Variants in TOM1L1 observed in about 807,000 individuals in gnomAD.
TOM1L1 encodes target of myb1 like 1 membrane trafficking protein, also known as TOM1-like protein 1.
TOM1L1 carries 64 observed loss-of-function variants against 63.4 expected under a neutral mutation model. The ratio of observed to expected loss-of-function variants is 1.01; its 90% CI spans 0.83 to 1.24. The LOEUF (loss-of-function observed/expected upper bound fraction) is 1.24. Among genes scored for constraint, TOM1L1 ranks in the 50% most tolerant of loss-of-function variants. The probability of loss-of-function intolerance (pLI) is 0.00; values close to 1 mark genes in which losing one functional copy is unlikely to be tolerated. For synonymous variants in TOM1L1, 166 were observed against 194.4 expected (o/e 0.85, Z 1.22); for missense variants, 536 against 567.0 (o/e 0.95, Z 0.55).
At chr17:54,934,070 A>G (rs913220718) in intron 8 of TOM1L1, among the ~76,000 whole-genome samples, 1 of 152,184 alleles carries the variant, frequency 6.6e-6, no homozygotes, top group Non-Finnish European at 1.5e-5. Context: ...GGCTCAGTGA[A>G]TCTGCACTTC....
At chr17:54,949,482 G>T in intron 12 of TOM1L1, 36 bp from the exon 13 acceptor site, 1 of 1,507,174 alleles carries the variant, frequency 6.6e-7, no homozygotes, top group South Asian at 1.1e-5. Flanking sequence ...GCTTAATGTA[G>T]AACGTTTATA....
intron 14 of TOM1L1, chr17:54,954,681 G>A (rs772783935): frequency 6.6e-6 from 1 of 152,214 alleles, no homozygotes; most frequent in Non-Finnish European, 1.5e-5. Flanking sequence ...GTAGTAAAGG[G>A]ACTCTTCTTA....
chr17:54,959,692 A>G (rs918918765), intron 14 of TOM1L1, among the ~76,000 whole-genome samples: 52 of 148,802 alleles, frequency 3.5e-4, no homozygotes, highest in African/African-American at 1.2e-3. Context: ...ATCTCAGCTC[A>G]CTGCAATCTC....
intron 14 of TOM1L1, among the ~76,000 whole-genome samples, chr17:54,950,348 G>T (rs773172776): frequency 6.6e-6 from 1 of 152,176 alleles, no homozygotes; most frequent in African/African-American, 2.4e-5. Flanking sequence ...TGCATGTTAA[G>T]AAATAACTGG....
chr17:54,910,479 G>T (rs1371346861), intron 3 of TOM1L1, among the ~76,000 whole-genome samples: 1 of 151,918 alleles, frequency 6.6e-6, no homozygotes, highest in Non-Finnish European at 1.5e-5. Context: ...AACAAAAATT[G>T]GTTTGCGAAT....
chr17:54,951,607 G>T (rs2049240662), intron 14 of TOM1L1, among the ~76,000 whole-genome samples: 1 of 152,230 alleles, frequency 6.6e-6, no homozygotes, highest in Non-Finnish European at 1.5e-5. Flanking sequence ...AGGGCTATGG[G>T]AGTTGTGAGC....
At chr17:54,955,094 G>A (rs2049428364) in intron 14 of TOM1L1, 1 of 152,164 alleles carries the variant, frequency 6.6e-6, no homozygotes, top group African/African-American at 2.4e-5. Context: ...CACAGTCTGA[G>A]GGGCTTCCAA....
chr17:54,933,932 G>A (rs1046901235), intron 8 of TOM1L1, among the ~76,000 whole-genome samples: 1 of 152,124 alleles, frequency 6.6e-6, no homozygotes, highest in Non-Finnish European at 1.5e-5. Context: ...CAGGGAAGGG[G>A]GCTTCCAGGT....
intron 12 of TOM1L1, 26 bp from the exon 13 acceptor site, chr17:54,949,492 A>G: frequency 6.4e-7 from 1 of 1,558,382 alleles, no homozygotes; most frequent in Non-Finnish European, 8.9e-7. Flanking sequence ...GAACGTTTAT[A>G]TGAACATGTG....
At chr17:54,913,688 A>G in intron 4 of TOM1L1, 60 bp from the exon 5 acceptor site, 4 of 1,460,564 alleles carry the variant, frequency 2.7e-6, no homozygotes, top group Non-Finnish European at 2.7e-6. Flanking sequence ...AAAAAAAAGA[A>G]TTGTGTTTTG....
chr17:54,901,106 G>A (rs1185718263), intron 1 of TOM1L1, 183 bp downstream of exon 1: 3 of 776,466 alleles, frequency 3.9e-6, no homozygotes, highest in African/African-American at 1.7e-5. Context: ...TTCCTTCTTG[G>A]CCAACTCACT....
intron 14 of TOM1L1, chr17:54,955,122 T>C (rs1167065938): frequency 6.6e-6 from 1 of 152,212 alleles, no homozygotes; most frequent in Non-Finnish European, 1.5e-5. Flanking sequence ...AGATTAATGA[T>C]GACACAAATC....
chr17:54,913,058 G>T (rs1379036845), intron 4 of TOM1L1, among the ~76,000 whole-genome samples: 1 of 152,190 alleles, frequency 6.6e-6, no homozygotes, highest in African/African-American at 2.4e-5. Flanking sequence ...AAATAGGAAA[G>T]ACAGTGATCT....
At chr17:54,929,072 G>A (rs920200899) in intron 7 of TOM1L1, among the ~76,000 whole-genome samples, 11 of 152,204 alleles carry the variant, frequency 7.2e-5, no homozygotes, top group African/African-American at 2.7e-4. Context: ...GTTTAAGGAA[G>A]TTCTGTTGCT....
chr17:54,903,786 A>T lies in TOM1L1; in HGVS notation c.137A>T (p.Gln46Leu), dbSNP rs1329972515. 6.2e-7 allele frequency: 1 copy of T among 1,614,024 alleles called. No homozygotes were observed. The highest frequency in any genetic ancestry group is 1.7e-5 in the Admixed American group (1 of 60,016). The change falls in exon 2 of 16, where the codon CAG becomes CTG. Residue 46 changes from glutamine (Q) to leucine (L), a missense_variant. Physicochemically the swap from Gln to Leu is moderately radical, Grantham distance 113. Coordinates refer to ENST00000575882, the MANE Select transcript of TOM1L1 (RefSeq NM_005486.3). Reference sequence around the variant, plus strand: ...ATCTGTGACATAATTAACACTACCCAGGATGGGTGAGTACAGCATGGTTTC... The same window carrying T: ...ATCTGTGACATAATTAACACTACCCTGGATGGGTGAGTACAGCATGGTTTC... ...MHICDIINTT[Q>L]DGPKDAVKAL...
chr17:54,910,623 G>A (rs921967848), intron 3 of TOM1L1, among the ~76,000 whole-genome samples: 2 of 152,062 alleles, frequency 1.3e-5, no homozygotes, highest in Admixed American at 1.3e-4. Context: ...TTAGGATTTC[G>A]CCCGTTAAAA....
chr17:54,945,856 T>G (rs2049110071), intron 11 of TOM1L1, among the ~76,000 whole-genome samples: 1 of 152,230 alleles, frequency 6.6e-6, no homozygotes, highest in African/African-American at 2.4e-5. Flanking sequence ...TCAACATCTG[T>G]GTCCTCTTGG....
At chr17:54,948,765 G>A (rs1012828958) in intron 12 of TOM1L1, among the ~76,000 whole-genome samples, 1 of 152,236 alleles carries the variant, frequency 6.6e-6, no homozygotes, top group African/African-American at 2.4e-5. Context: ...TATTTGTGGA[G>A]TGAATAAGGA....
At chr17:54,949,983 A>G in intron 13 of TOM1L1, 62 bp from the exon 14 acceptor site, 2 of 1,280,822 alleles carry the variant, frequency 1.6e-6, no homozygotes, top group South Asian at 1.3e-5. Flanking sequence ...TAAAAAGAAT[A>G]TCAATTGCGT....
Sources: gnomAD v4.1 joint callset for allele counts (sites outside exome capture counted in the v4.1 genomes callset) on GRCh38, gnomAD v4.1.1 for gene constraint, MANE v1.5 for transcripts, NCBI Gene and HGNC (gene_info 2026-07-23, HGNC 2026-07-21) for gene names.